Variants in GSN observed in about 807,000 individuals in gnomAD.
GSN encodes the protein gelsolin.
In GSN, 56 loss-of-function variants were observed where a neutral mutation model predicts 85.7. That is an observed-to-expected ratio of 0.65 (90% CI 0.53 to 0.82). The LOEUF is 0.82. Among genes scored for constraint, GSN ranks in the 40% least tolerant of loss-of-function variants. The probability of loss-of-function intolerance (pLI) is 0.00; values close to 1 mark genes in which losing one functional copy is unlikely to be tolerated. For missense variants in GSN, 857 were observed against 979.8 expected, an observed-to-expected ratio of 0.87 and a Z score of 1.67; for synonymous variants, 373 against 399.1, an observed-to-expected ratio of 0.93 and a Z score of 0.78.
chr9:121,210,066 G>A (rs1466614822), intron 2 of GSN, among the ~76,000 whole-genome samples: 1 of 152,162 alleles, frequency 6.6e-6, no homozygotes, highest in Non-Finnish European at 1.5e-5. Flanking sequence ...CTCAGGAAAG[G>A]ATATTGCCTT....
chr9:121,313,478 T>C (rs1451283430), intron 6 of GSN: 5 of 247,650 alleles, frequency 2.0e-5, no homozygotes, highest in Non-Finnish European at 4.0e-5. Flanking sequence ...GGATGGAGGT[T>C]CAGATTCTGG....
intron 6 of GSN, among the ~76,000 whole-genome samples, chr9:121,256,908 A>T (rs2054974334): frequency 6.6e-6 from 1 of 152,206 alleles, no homozygotes. Flanking sequence ...GAAAAAGAAA[A>T]AAAGGAATAA....
rs897058765 is a variant in GSN, at chr9:121,324,554, G to A, written c.1326G>A (p.Trp442Ter). ...GGRQGQIIYN[W>*]QGAQSTQDEV... ...TGCTGAATCTCACTTCCCCTTCCAG[G>A]CAGGGTGCCCAGTCTACCCAGGATG... Residue 442 changes from tryptophan to a stop codon, truncating the protein, a stop_gained and splice_region_variant, in exon 12 of 18, where the codon TGG (tryptophan) becomes TGA (stop). Transcript: ENST00000432226. LOFTEE classifies it high-confidence loss of function. The A allele has an allele frequency of 2.0e-6, 3 of 1,498,914 alleles. No homozygotes were observed. In the African/African-American group the frequency reaches 4.2e-5, roughly 21 times the overall value. The allele number at this position is 1,498,914 out of a possible 1,614,324, so 92.9% of individuals were successfully genotyped here.
intron 5 of GSN, among the ~76,000 whole-genome samples, chr9:121,235,078 T>G (rs2054466899): frequency 6.6e-6 from 1 of 152,142 alleles, no homozygotes; most frequent in Non-Finnish European, 1.5e-5. Context: ...GCCCCAGATA[T>G]CACCATCCTT....
intron 2 of GSN, among the ~76,000 whole-genome samples, chr9:121,285,825 G>A (rs1277647493): frequency 1.3e-5 from 2 of 152,228 alleles, no homozygotes; most frequent in Non-Finnish European, 2.9e-5. Flanking sequence ...CTCAGAGAGG[G>A]AGAAGCAGGA....
At chr9:121,215,224 C>G (rs1001956606) in intron 4 of GSN, among the ~76,000 whole-genome samples, 1 of 150,260 alleles carries the variant, frequency 6.7e-6, no homozygotes, top group Admixed American at 6.7e-5. Flanking sequence ...GACCCCCCCC[C>G]CCACACTCAT....
At chr9:121,294,711 T>G (rs2059045075) in intron 2 of GSN, among the ~76,000 whole-genome samples, 1 of 152,208 alleles carries the variant, frequency 6.6e-6, no homozygotes, top group Non-Finnish European at 1.5e-5. Flanking sequence ...TGCTGTGTCA[T>G]GGAGACCCAG....
At chr9:121,242,284 G>A (rs894876346) in intron 5 of GSN, among the ~76,000 whole-genome samples, 4 of 152,138 alleles carry the variant, frequency 2.6e-5, no homozygotes, top group Non-Finnish European at 5.9e-5. Context: ...AGGATAACAT[G>A]TCAGAGAAAA....
At chr9:121,273,722 T>C (rs1324420568) in intron 1 of GSN, among the ~76,000 whole-genome samples, 3 of 152,228 alleles carry the variant, frequency 2.0e-5, no homozygotes, top group African/African-American at 7.2e-5. Context: ...TTATTAAGGA[T>C]TCTTTTTAAA....
Position 121,312,507 on chromosome 9 carries a change from A to T in GSN, c.663+19A>T. On this transcript the variant is annotated intron_variant, in intron 6 of 17. Transcript: ENST00000432226. Reference sequence around the variant, plus strand: ...GCTCCAGGTGCCTGTGGGGTGCGCAATGGGGTGGCCATGGGGACACGCTGC... The same window carrying T: ...GCTCCAGGTGCCTGTGGGGTGCGCATTGGGGTGGCCATGGGGACACGCTGC... 5 of 1,499,014 alleles carry T rather than the reference A, an allele frequency of 3.3e-6. No individual in the cohort carries two copies. The highest frequency in any genetic ancestry group is 4.5e-6 in the Non-Finnish European group (5 of 1,108,110). The allele number at this position is 1,499,014 out of a possible 1,614,324, so 92.9% of individuals were successfully genotyped here.
chr9:121,312,577 G>T, intron 6 of GSN, 89 bp downstream of exon 6: 3 of 964,558 alleles, frequency 3.1e-6, no homozygotes, highest in East Asian at 3.1e-5. Context: ...GTGAATTTGA[G>T]GAAAAAAAAA....
chr9:121,293,630 G>T (rs747619137), intron 2 of GSN, among the ~76,000 whole-genome samples: 5 of 151,088 alleles, frequency 3.3e-5, no homozygotes, highest in Non-Finnish European at 3.0e-5. Context: ...CCTGGGAGGC[G>T]GAGGTGGCAG....
chr9:121,303,093 G>T (rs537136378), intron 4 of GSN, 28 bp downstream of exon 4: 3 of 1,609,030 alleles, frequency 1.9e-6, no homozygotes, highest in African/African-American at 2.7e-5. Context: ...TTGCTTGAGC[G>T]GTAGGGACAG....
chr9:121,260,638 C>T (rs1349355481), intron 6 of GSN, among the ~76,000 whole-genome samples: 1 of 152,164 alleles, frequency 6.6e-6, no homozygotes, highest in East Asian at 1.9e-4. Flanking sequence ...TTACTTTGTT[C>T]TATTGTCCCA....
chr9:121,215,492 G>T (rs998550120), intron 4 of GSN, among the ~76,000 whole-genome samples: 3 of 151,984 alleles, frequency 2.0e-5, no homozygotes, highest in Non-Finnish European at 4.4e-5. Context: ...TCAGGAGTTC[G>T]AGACCAGCCT....
chr9:121,297,304 A>T (rs1390847517), intron 2 of GSN, among the ~76,000 whole-genome samples: 1 of 152,204 alleles, frequency 6.6e-6, no homozygotes, highest in Non-Finnish European at 1.5e-5. Flanking sequence ...TTTACATATC[A>T]TAGTGATTCA....
chr9:121,286,769 T>C, intron 2 of GSN: 1 of 1,533,604 alleles, frequency 6.5e-7, no homozygotes, highest in Non-Finnish European at 8.7e-7. Flanking sequence ...ACAGTAGGTA[T>C]TTTTTAAAGG....
intron 2 of GSN, among the ~76,000 whole-genome samples, chr9:121,285,767 C>T (rs1444625996): frequency 2.0e-5 from 3 of 152,124 alleles, no homozygotes; most frequent in Non-Finnish European, 2.9e-5. Context: ...CCCTAATTTA[C>T]CTTTGGGGAA....
At chr9:121,263,501 G>A (rs1384742439), upstream of GSN, among the ~76,000 whole-genome samples, 6 of 152,252 alleles carry the variant, frequency 3.9e-5, no homozygotes, top group African/African-American at 1.4e-4. Context: ...GAGGCCTCAG[G>A]AAACTTACAA....
Sources: allele counts gnomAD v4.1 joint callset (sites outside exome capture counted in the v4.1 genomes callset), GRCh38; gene constraint gnomAD v4.1.1; transcripts MANE v1.5; gene names NCBI Gene and HGNC (gene_info 2026-07-23, HGNC 2026-07-21).